STAG1: variants seen among roughly 807,000 people sequenced by gnomAD.
The protein encoded by STAG1 is cohesin subunit SA-1.
A neutral mutation model predicts 170.9 loss-of-function variants in STAG1; 26 were observed. The observed-to-expected ratio is 0.15, with a 90% CI of 0.11 to 0.21. The LOEUF is 0.21. Among genes scored for constraint, STAG1 ranks in the 10% least tolerant of loss-of-function variants. The pLI, the probability that STAG1 is intolerant of heterozygous loss-of-function variation, is 1.00. For synonymous variants in STAG1, 514 were observed against 497.7 expected, an observed-to-expected ratio of 1.03 and a Z score of -0.44; for missense variants, 964 against 1,509.5, an observed-to-expected ratio of 0.64 and a Z score of 5.99.
chr3:136,557,295 G>C (rs1936661294), intron 5 of STAG1, among the ~76,000 whole-genome samples: 1 of 152,136 alleles, frequency 6.6e-6, no homozygotes, highest in South Asian at 2.1e-4. Flanking sequence ...TAGCAGAATA[G>C]AGAACCCAGA....
At chr3:136,439,950 TG>T (rs2088582472) in intron 15 of STAG1, among the ~76,000 whole-genome samples, 1 of 152,120 alleles carries the variant, frequency 6.6e-6, no homozygotes, top group Non-Finnish European at 1.5e-5. Flanking sequence ...AAAAATCCAA[TG>T]TAAACAGAAT....
At chr3:136,582,876 A>G (rs991113453) in intron 4 of STAG1, among the ~76,000 whole-genome samples, 2 of 152,208 alleles carry the variant, frequency 1.3e-5, no homozygotes, top group African/African-American at 4.8e-5. Context: ...ATCTCCACAA[A>G]TAACTTGAGA....
intron 4 of STAG1, among the ~76,000 whole-genome samples, chr3:136,591,231 AG>A (rs1938151616): frequency 7.4e-6 from 1 of 136,028 alleles, no homozygotes; most frequent in South Asian, 2.7e-4. Context: ...AAAAAAAAAA[AG>A]AAGGGAGGGA....
At chr3:136,696,624 G>A (rs1411279626) in intron 1 of STAG1, among the ~76,000 whole-genome samples, 3 of 152,204 alleles carry the variant, frequency 2.0e-5, no homozygotes, top group South Asian at 2.1e-4. Context: ...TTGGGGGAGT[G>A]AAGAGGGGTT....
At chr3:136,618,720 G>T (rs979260095) in intron 3 of STAG1, among the ~76,000 whole-genome samples, 1 of 152,090 alleles carries the variant, frequency 6.6e-6, no homozygotes, top group Non-Finnish European at 1.5e-5. Context: ...TTTTCTTTAA[G>T]GGATTAGATT....
intron 1 of STAG1, among the ~76,000 whole-genome samples, chr3:136,745,391 A>G (rs1934882811): frequency 6.6e-6 from 1 of 152,228 alleles, no homozygotes; most frequent in South Asian, 2.1e-4. Flanking sequence ...AAAAAGGAGT[A>G]GCCATCCCCA....
chr3:136,607,009 CA>C (rs1938983183), intron 3 of STAG1, among the ~76,000 whole-genome samples: 2 of 152,238 alleles, frequency 1.3e-5, no homozygotes, highest in South Asian at 4.2e-4. Flanking sequence ...CTCAGACTCC[CA>C]AAGTGCTGGG....
chr3:136,434,080 G>A (rs1277857205), intron 15 of STAG1, among the ~76,000 whole-genome samples: 3 of 151,836 alleles, frequency 2.0e-5, no homozygotes, highest in African/African-American at 7.3e-5. Context: ...ACTATCTAAC[G>A]TATGTACCAT....
intron 3 of STAG1, among the ~76,000 whole-genome samples, chr3:136,621,992 GAAAAA>G (rs11360539): frequency 8.2e-6 from 1 of 121,466 alleles, no homozygotes; most frequent in Non-Finnish European, 1.7e-5. Context: ...TGGTGGTGTG[GAAAAA>G]AAAAAAAAAA....
intron 4 of STAG1, among the ~76,000 whole-genome samples, chr3:136,584,904 T>C (rs1937733432): frequency 6.6e-6 from 1 of 152,220 alleles, no homozygotes; most frequent in South Asian, 2.1e-4. Context: ...TACTCTGTCT[T>C]GTTTTAAGTA....
At chr3:136,625,679 GAAC>G (rs1161359125) in intron 2 of STAG1, among the ~76,000 whole-genome samples, 2 of 152,088 alleles carry the variant, frequency 1.3e-5, no homozygotes, top group African/African-American at 2.4e-5. Context: ...ATCCTTCTCA[GAAC>G]AATATAATCT....
intron 22 of STAG1, among the ~76,000 whole-genome samples, chr3:136,384,193 G>A (rs1014060025): frequency 6.6e-6 from 1 of 152,054 alleles, no homozygotes; most frequent in Non-Finnish European, 1.5e-5. Context: ...GCTCATGCCT[G>A]TAATCTTAGC....
At chr3:136,353,668 A>G (rs1479784211) in intron 28 of STAG1, among the ~76,000 whole-genome samples, 2 of 152,242 alleles carry the variant, frequency 1.3e-5, no homozygotes, top group East Asian at 3.9e-4. Flanking sequence ...AGCCTCCCAA[A>G]ATGCTGGGTT....
chr3:136,633,870 TCCCAGCAC>T (rs1357224259), intron 1 of STAG1, among the ~76,000 whole-genome samples: 1 of 144,794 alleles, frequency 6.9e-6, no homozygotes, highest in East Asian at 2.1e-4. Flanking sequence ...ACGCTTATAA[TCCCAGCAC>T]TTTGGGAGGC....
chr3:136,566,285 C>A (rs1037323166), intron 5 of STAG1, among the ~76,000 whole-genome samples: 2 of 152,232 alleles, frequency 1.3e-5, no homozygotes, highest in East Asian at 3.9e-4. Context: ...CGCTCTCAAC[C>A]CTCTTTTTGC....
intron 23 of STAG1, among the ~76,000 whole-genome samples, chr3:136,370,611 T>C (rs1937279069): frequency 6.6e-6 from 1 of 152,172 alleles, no homozygotes; most frequent in Non-Finnish European, 1.5e-5. Flanking sequence ...ACACGCAGTG[T>C]TTGGTTTTTT....
At chr3:136,728,691 G>A (rs1933827652) in intron 1 of STAG1, among the ~76,000 whole-genome samples, 1 of 152,046 alleles carries the variant, frequency 6.6e-6, no homozygotes, top group South Asian at 2.1e-4. Flanking sequence ...CATCATTGTG[G>A]TTAACAACTA....
chr3:136,681,187 A>T (rs539026332), intron 1 of STAG1, among the ~76,000 whole-genome samples: 1 of 152,300 alleles, frequency 6.6e-6, no homozygotes, highest in South Asian at 2.1e-4. Context: ...CCATGTACGA[A>T]GTTATGTATA....
chr3:136,630,370 G>C (rs1321027797), intron 2 of STAG1, among the ~76,000 whole-genome samples: 1 of 151,812 alleles, frequency 6.6e-6, no homozygotes, highest in Non-Finnish European at 1.5e-5. Flanking sequence ...TAAAAGAGCT[G>C]GAAGTGAGCA....
Sources: gnomAD v4.1 joint callset for allele counts (sites outside exome capture counted in the v4.1 genomes callset) on GRCh38, gnomAD v4.1.1 for gene constraint, MANE v1.5 for transcripts, NCBI Gene and HGNC (gene_info 2026-07-23, HGNC 2026-07-21) for gene names.